Variants in RBFOX1 observed in about 807,000 individuals in gnomAD.
RBFOX1 encodes RNA binding fox-1 homolog 1, also known as RNA binding protein fox-1 homolog 1.
A neutral mutation model predicts 57.7 loss-of-function variants in RBFOX1; 8 were observed. That is an observed-to-expected ratio of 0.14 (90% confidence interval 0.08 to 0.25). The LOEUF (loss-of-function observed/expected upper bound fraction) is 0.25. Ranked by LOEUF, RBFOX1 falls within the 10% of genes least tolerant of loss-of-function variation. RBFOX1 has a pLI of 1.00. For missense variants in RBFOX1, 611 were observed against 548.5 expected (o/e 1.11, Z -1.14); for synonymous variants, 326 against 222.4 (o/e 1.47, Z -4.15).
intron 1 of RBFOX1, among the ~76,000 whole-genome samples, chr16:6,271,497 A>G (rs1340910160): frequency 6.6e-6 from 1 of 152,174 alleles, no homozygotes; most frequent in African/African-American, 2.4e-5. Context: ...AAACAGTAAA[A>G]CAATAGAGGA....
At chr16:5,967,578 A>G (rs1018352131) in intron 4 of RBFOX1, among the ~76,000 whole-genome samples, 4 of 152,152 alleles carry the variant, frequency 2.6e-5, no homozygotes, top group Admixed American at 6.6e-5. Context: ...AACACACACA[A>G]TTTTAAAAGG....
intron 4 of RBFOX1, among the ~76,000 whole-genome samples, chr16:7,257,162 C>T (rs116975073): frequency 4.6e-5 from 7 of 152,190 alleles, no homozygotes. Context: ...TCCGGTCCAA[C>T]TGTTTCTCTA....
chr16:5,375,253 A>G (rs1007755354), intron 1 of RBFOX1, among the ~76,000 whole-genome samples: 3 of 152,160 alleles, frequency 2.0e-5, no homozygotes. Context: ...TTCTAAAATC[A>G]ATTGACCATG....
chr16:5,334,748 G>A (rs1596554356), intron 1 of RBFOX1, among the ~76,000 whole-genome samples: 2 of 151,754 alleles, frequency 1.3e-5, no homozygotes, highest in East Asian at 3.9e-4. Flanking sequence ...CATGGGCAAT[G>A]TGGTACACTG....
chr16:7,185,251 G>C (rs1450455363), intron 4 of RBFOX1, among the ~76,000 whole-genome samples: 2 of 152,102 alleles, frequency 1.3e-5, no homozygotes, highest in Non-Finnish European at 2.9e-5. Flanking sequence ...TAATTCTAAA[G>C]AAAGCAAATT....
At chr16:7,396,092 G>T (rs1320324530) in intron 4 of RBFOX1, among the ~76,000 whole-genome samples, 1 of 152,114 alleles carries the variant, frequency 6.6e-6, no homozygotes, top group African/African-American at 2.4e-5. Context: ...CTCTCAGCTT[G>T]TAAGTGTCAG....
chr16:5,439,371 A>G (rs62016393), intron 1 of RBFOX1, among the ~76,000 whole-genome samples: 1,817 of 152,272 alleles, frequency 0.012, 15 homozygotes, highest in Non-Finnish European at 0.017. Flanking sequence ...GCTATGATTT[A>G]TATTTTTAAA....
chr16:6,490,848 C>T (rs1567417428), intron 2 of RBFOX1, among the ~76,000 whole-genome samples: 2 of 152,188 alleles, frequency 1.3e-5, no homozygotes, highest in Admixed American at 6.5e-5. Flanking sequence ...GAGTGAATCC[C>T]ATTGCAGAAC....
intron 4 of RBFOX1, among the ~76,000 whole-genome samples, chr16:7,247,197 G>T (rs2094336196): frequency 6.6e-6 from 1 of 152,150 alleles, no homozygotes; most frequent in Non-Finnish European, 1.5e-5. Flanking sequence ...TAGCTAGTCA[G>T]AAATGTTCTC....
intron 3 of RBFOX1, among the ~76,000 whole-genome samples, chr16:6,950,259 G>C (rs539564976): frequency 1.3e-5 from 2 of 151,764 alleles, no homozygotes; most frequent in Non-Finnish European, 2.9e-5. Flanking sequence ...TGTCCGGCCA[G>C]CACATTCTTT....
intron 2 of RBFOX1, among the ~76,000 whole-genome samples, chr16:6,497,349 C>CT (rs1240629249): frequency 4.6e-5 from 7 of 152,102 alleles, no homozygotes. Flanking sequence ...TGACATGGAG[C>CT]TTGATGCCCT....
At chr16:7,488,807 T>A (rs1158064239) in intron 4 of RBFOX1, among the ~76,000 whole-genome samples, 1 of 152,218 alleles carries the variant, frequency 6.6e-6, no homozygotes, top group Non-Finnish European at 1.5e-5. Context: ...TACATTAATC[T>A]ATCCATCCAT....
intron 1 of RBFOX1, among the ~76,000 whole-genome samples, chr16:6,288,348 T>C (rs1259054020): frequency 6.6e-6 from 1 of 152,152 alleles, no homozygotes; most frequent in Non-Finnish European, 1.5e-5. Context: ...TGTTCAAATA[T>C]AGATTCAGAT....
intron 4 of RBFOX1, among the ~76,000 whole-genome samples, chr16:7,385,458 G>A (rs1361209170): frequency 6.6e-6 from 1 of 152,172 alleles, no homozygotes; most frequent in Non-Finnish European, 1.5e-5. Flanking sequence ...TGGAGAGGTC[G>A]GGGCTTGGGT....
chr16:5,826,611 G>A lies in RBFOX1; in HGVS notation c.319-40692G>A, dbSNP rs146915443. 1.8e-3 allele frequency among the ~76,000 whole-genome samples: 275 copies of A among 152,310 alleles called. 2 individuals carry two copies. Among genetic ancestry groups the A allele is most frequent in the African/African-American group, 6.2e-3 (258 of 41,564 alleles). ...AAAAGCAAGAGCTGGGCCAGATTTG[G>A]CTTGCAGGCAATAGTTTGCTAACCT... On this transcript the variant is annotated intron_variant, in intron 3 of 19. Coordinates refer to the RBFOX1 transcript ENST00000641259.
intron 3 of RBFOX1, among the ~76,000 whole-genome samples, chr16:7,020,545 G>T (rs1314662640): frequency 6.6e-6 from 1 of 152,128 alleles, no homozygotes; most frequent in Non-Finnish European, 1.5e-5. Context: ...AAAATATAAT[G>T]TTTATGAAAA....
chr16:7,627,359 T>C (rs1248639949), intron 10 of RBFOX1, among the ~76,000 whole-genome samples: 1 of 152,100 alleles, frequency 6.6e-6, no homozygotes, highest in African/African-American at 2.4e-5. Context: ...AATATTGAAA[T>C]TGATTAATTC....
chr16:5,476,738 C>G (rs1002655920), intron 2 of RBFOX1, among the ~76,000 whole-genome samples: 4 of 152,244 alleles, frequency 2.6e-5, no homozygotes, highest in Non-Finnish European at 5.9e-5. Context: ...CTTTCCCTGC[C>G]TCTTGGGTGC....
chr16:6,447,830 T>C (rs1234359506), intron 2 of RBFOX1, among the ~76,000 whole-genome samples: 2 of 152,194 alleles, frequency 1.3e-5, no homozygotes, highest in Admixed American at 1.3e-4. Context: ...TCCGTTCTTA[T>C]TAATTTAAGG....
Sources: gnomAD v4.1 joint callset for allele counts (sites outside exome capture counted in the v4.1 genomes callset) on GRCh38, gnomAD v4.1.1 for gene constraint, MANE v1.5 for transcripts, NCBI Gene and HGNC (gene_info 2026-07-23, HGNC 2026-07-21) for gene names.